Variants in NPR3 observed in about 807,000 individuals in gnomAD.
NPR3 encodes atrial natriuretic peptide receptor 3.
NPR3 carries 34 observed loss-of-function variants against 54.5 expected under a neutral mutation model. That is an observed-to-expected ratio of 0.62 (90% CI 0.47 to 0.83). NPR3 has a LOEUF of 0.83. NPR3 is among the 40% of genes least tolerant of loss of function. The probability of loss-of-function intolerance (pLI) is 0.00; values close to 1 mark genes in which losing one functional copy is unlikely to be tolerated. For synonymous variants in NPR3, 289 were observed against 297.1 expected (o/e 0.97, Z 0.28); for missense variants, 674 against 720.8 (o/e 0.94, Z 0.74).
chr5:32,773,864 T>C (rs1741896807), intron 3 of NPR3, among the ~76,000 whole-genome samples: 1 of 152,240 alleles, frequency 6.6e-6, no homozygotes, highest in Admixed American at 6.5e-5. Flanking sequence ...CAATTCCCTC[T>C]TGAAGCAGGC....
intron 3 of NPR3, among the ~76,000 whole-genome samples, chr5:32,771,292 C>T (rs1741747859): frequency 6.6e-6 from 1 of 152,068 alleles, no homozygotes; most frequent in Non-Finnish European, 1.5e-5. Context: ...AGCTCTCCTG[C>T]TAATTTTGGC....
intron 2 of NPR3, among the ~76,000 whole-genome samples, chr5:32,735,970 C>T (rs1227296800): frequency 6.6e-6 from 1 of 152,078 alleles, no homozygotes; most frequent in Non-Finnish European, 1.5e-5. Flanking sequence ...GTGGCTCACG[C>T]CTGTAATCCC....
intron 3 of NPR3, among the ~76,000 whole-genome samples, chr5:32,773,871 A>G (rs1741897072): frequency 6.6e-6 from 1 of 152,242 alleles, no homozygotes; most frequent in Non-Finnish European, 1.5e-5. Flanking sequence ...CTCTTGAAGC[A>G]GGCACTAGTC....
chr5:32,710,636 G>T, upstream of NPR3: 1 of 1,464,750 alleles, frequency 6.8e-7, no homozygotes, highest in Non-Finnish European at 9.1e-7. Flanking sequence ...GGTGACGCCC[G>T]GGCCAGCCGG....
At chr5:32,722,982 T>TG (rs1174289457) in intron 1 of NPR3, among the ~76,000 whole-genome samples, 1 of 152,148 alleles carries the variant, frequency 6.6e-6, no homozygotes, top group Non-Finnish European at 1.5e-5. Flanking sequence ...CGAGCCCTTT[T>TG]GGGGTATGAA....
At chr5:32,772,667 A>G (rs768319252) in intron 3 of NPR3, among the ~76,000 whole-genome samples, 2 of 152,230 alleles carry the variant, frequency 1.3e-5, no homozygotes, top group Non-Finnish European at 1.5e-5. Flanking sequence ...ATAATTTGAA[A>G]CTAAGCAGGA....
intron 3 of NPR3, among the ~76,000 whole-genome samples, chr5:32,764,624 C>T (rs1404081379): frequency 1.3e-5 from 2 of 151,392 alleles, no homozygotes; most frequent in Non-Finnish European, 2.9e-5. Context: ...CCTGTCTCTA[C>T]CAAAAATACA....
intron 1 of NPR3, among the ~76,000 whole-genome samples, chr5:32,723,616 T>C (rs898487142): frequency 6.6e-6 from 1 of 152,256 alleles, no homozygotes; most frequent in South Asian, 2.1e-4. Flanking sequence ...CTATTAAGTA[T>C]AAAAAGCAGT....
At chr5:32,726,151 A>G (rs550893554) in intron 2 of NPR3, among the ~76,000 whole-genome samples, 23 of 152,312 alleles carry the variant, frequency 1.5e-4, no homozygotes, top group African/African-American at 5.1e-4. Context: ...CACAAATGGC[A>G]TGTTTATACT....
At chr5:32,779,519 T>A (rs1742230068) in intron 4 of NPR3, among the ~76,000 whole-genome samples, 1 of 152,334 alleles carries the variant, frequency 6.6e-6, no homozygotes, top group South Asian at 2.1e-4. Flanking sequence ...ACTGACTCCC[T>A]TTGTCCACAT....
chr5:32,729,028 TTGTTTTG>T (rs1739312680), intron 2 of NPR3, among the ~76,000 whole-genome samples: 2 of 93,220 alleles, frequency 2.1e-5, no homozygotes, highest in African/African-American at 5.7e-5. Flanking sequence ...TTTTTTTTTT[TTGTTTTG>T]TTTTTTTTTT....
At chr5:32,750,895 G>T (rs962281517) in intron 3 of NPR3, among the ~76,000 whole-genome samples, 3 of 152,136 alleles carry the variant, frequency 2.0e-5, no homozygotes, top group Non-Finnish European at 2.9e-5. Flanking sequence ...CATACCAATT[G>T]CTTTGCCAGG....
At chr5:32,710,608 T>C, upstream of NPR3, 2 of 1,415,830 alleles carry the variant, frequency 1.4e-6, no homozygotes, top group East Asian at 5.6e-5. Context: ...GGCGCGGGGC[T>C]GAGGAAGGCG....
At chr5:32,774,259 A>C (rs1561127816) in intron 3 of NPR3, among the ~76,000 whole-genome samples, 1 of 152,240 alleles carries the variant, frequency 6.6e-6, no homozygotes, top group Non-Finnish European at 1.5e-5. Context: ...TGCTAAATAT[A>C]AGTGAATGGA....
intron 4 of NPR3, among the ~76,000 whole-genome samples, chr5:32,776,256 A>G (rs1486133768): frequency 6.6e-6 from 1 of 152,254 alleles, no homozygotes; most frequent in African/African-American, 2.4e-5. Flanking sequence ...GCAGTTTTAA[A>G]TGACAGTTAC....
chr5:32,720,116 C>T (rs1738775630), intron 1 of NPR3, among the ~76,000 whole-genome samples: 2 of 152,148 alleles, frequency 1.3e-5, no homozygotes, highest in South Asian at 4.1e-4. Flanking sequence ...CATATAGTGC[C>T]ATTTAGCTGC....
intron 3 of NPR3, among the ~76,000 whole-genome samples, chr5:32,764,595 C>T (rs1741344407): frequency 2.6e-5 from 4 of 151,702 alleles, no homozygotes; most frequent in Admixed American, 1.3e-4. Flanking sequence ...TGAGATTAGC[C>T]TGGCCAACAT....
chr5:32,724,645 T>G, intron 1 of NPR3, 53 bp from the exon 2 acceptor site: 1 of 1,609,082 alleles, frequency 6.2e-7, no homozygotes. Flanking sequence ...GTCAGCATGC[T>G]CGAAGTGCTC....
intron 1 of NPR3, among the ~76,000 whole-genome samples, chr5:32,717,204 AG>A (rs1214703426): frequency 6.6e-6 from 1 of 152,198 alleles, no homozygotes. Context: ...GTGGCTGCAT[AG>A]TATTCCATGA....
Sources: gnomAD v4.1 joint callset for allele counts (sites outside exome capture counted in the v4.1 genomes callset) on GRCh38, gnomAD v4.1.1 for gene constraint, MANE v1.5 for transcripts, NCBI Gene and HGNC (gene_info 2026-07-23, HGNC 2026-07-21) for gene names.